ANTXR1: variants seen among roughly 807,000 people sequenced by gnomAD.
The protein encoded by ANTXR1 is ANTXR cell adhesion molecule 1.
A neutral mutation model predicts 78.1 loss-of-function variants in ANTXR1; 19 were observed. That is an observed-to-expected ratio of 0.24 (90% confidence interval 0.17 to 0.36). The LOEUF is 0.36. ANTXR1 is among the 10% of genes least tolerant of loss of function. ANTXR1 has a pLI of 1.00. For missense variants in ANTXR1, 518 were observed against 718.6 expected (o/e 0.72, Z 3.19); for synonymous variants, 273 against 260.5 (o/e 1.05, Z -0.46).
intron 17 of ANTXR1, among the ~76,000 whole-genome samples, chr2:69,221,972 C>CT (rs761981029): frequency 7.2e-5 from 11 of 152,164 alleles, no homozygotes; most frequent in Non-Finnish European, 1.0e-4. Flanking sequence ...AGCTAGACTC[C>CT]TTAGCGGGTT....
intron 12 of ANTXR1, among the ~76,000 whole-genome samples, chr2:69,129,479 C>T (rs995418151): frequency 2.6e-5 from 4 of 152,124 alleles, no homozygotes; most frequent in South Asian, 2.1e-4. Flanking sequence ...ATAGGCCGGG[C>T]GTGGTGTCTC....
At chr2:69,018,122 C>T (rs911101636) in intron 1 of ANTXR1, among the ~76,000 whole-genome samples, 1 of 152,112 alleles carries the variant, frequency 6.6e-6, no homozygotes, top group Non-Finnish European at 1.5e-5. Context: ...AAACGCTGAG[C>T]AGCTTTATTT....
Position 69,187,154 on chromosome 2 carries a change from G to A in ANTXR1, c.1353+4494G>A, listed in dbSNP as rs138379978. ...CCAAGCAAACCCAGAGAGAACACACGGAGGGAAGAAGTCCACAGTGGGCTC... is the reference window on the plus strand; with the variant it reads ...CCAAGCAAACCCAGAGAGAACACACAGAGGGAAGAAGTCCACAGTGGGCTC... On this transcript the variant is annotated intron_variant, in intron 16 of 17. Transcript: ENST00000303714. Among the ~76,000 whole-genome samples, 1,389 of 152,236 alleles carry A rather than the reference G, an allele frequency of 9.1e-3. 15 individuals are homozygous for A. Among genetic ancestry groups the A allele is most frequent in the Non-Finnish European group, 0.014 (974 of 68,012 alleles).
At chr2:69,219,820 C>T (rs1675275770) in intron 17 of ANTXR1, among the ~76,000 whole-genome samples, 1 of 152,288 alleles carries the variant, frequency 6.6e-6, no homozygotes. Context: ...TGTCCGAAAC[C>T]TCTTGACTGA....
At chr2:69,239,344 G>A (rs1033840778) in intron 17 of ANTXR1, among the ~76,000 whole-genome samples, 5 of 152,174 alleles carry the variant, frequency 3.3e-5, no homozygotes, top group Non-Finnish European at 5.9e-5. Context: ...CAAGGCTGGC[G>A]GATCACCTGA....
intron 13 of ANTXR1, among the ~76,000 whole-genome samples, chr2:69,165,648 G>A (rs939783511): frequency 4.6e-5 from 7 of 152,256 alleles, no homozygotes; most frequent in Admixed American, 1.3e-4. Flanking sequence ...AGCAGCATGT[G>A]GGCCTGACTC....
At chr2:69,114,205 A>C (rs904114033) in intron 10 of ANTXR1, among the ~76,000 whole-genome samples, 2 of 152,206 alleles carry the variant, frequency 1.3e-5, no homozygotes, top group Non-Finnish European at 2.9e-5. Context: ...CAAGGATTTT[A>C]ATTTCTTTTT....
At chr2:69,117,388 T>C (rs1044605543) in intron 10 of ANTXR1, among the ~76,000 whole-genome samples, 19 of 152,278 alleles carry the variant, frequency 1.2e-4, no homozygotes, top group African/African-American at 4.6e-4. Flanking sequence ...AAATAATCTC[T>C]CTCTCAGAGG....
chr2:69,038,324 A>T (rs1669508525), intron 1 of ANTXR1, among the ~76,000 whole-genome samples: 1 of 152,220 alleles, frequency 6.6e-6, no homozygotes, highest in South Asian at 2.1e-4. Context: ...AATCCCCAGT[A>T]TAATCTTCCT....
At chr2:69,031,297 C>T (rs1176646341) in intron 1 of ANTXR1, among the ~76,000 whole-genome samples, 1 of 152,146 alleles carries the variant, frequency 6.6e-6, no homozygotes, top group African/African-American at 2.4e-5. Flanking sequence ...GGCCATCTTG[C>T]CATCTTGAAT....
intron 8 of ANTXR1, among the ~76,000 whole-genome samples, chr2:69,084,848 CTTTT>C (rs10708894): frequency 5.3e-5 from 5 of 94,050 alleles, no homozygotes; most frequent in Non-Finnish European, 6.2e-5. Context: ...GAAAAGGCAA[CTTTT>C]TTTTTTTTTT....
chr2:69,106,964 A>T (rs1459074431), intron 10 of ANTXR1, among the ~76,000 whole-genome samples: 1 of 152,242 alleles, frequency 6.6e-6, no homozygotes, highest in African/African-American at 2.4e-5. Flanking sequence ...AATACTCATC[A>T]AAAGCAGATT....
intron 12 of ANTXR1, among the ~76,000 whole-genome samples, chr2:69,137,387 A>G (rs1007585105): frequency 3.3e-5 from 5 of 152,188 alleles, no homozygotes; most frequent in African/African-American, 1.2e-4. Context: ...GAGAGAAGGC[A>G]TATGGCCTAA....
chr2:69,162,022 GA>G (rs367737643), intron 13 of ANTXR1, among the ~76,000 whole-genome samples: 65 of 148,856 alleles, frequency 4.4e-4, no homozygotes, highest in African/African-American at 1.2e-3. Context: ...ATCATTTGTG[GA>G]AAAAAAAAAA....
At chr2:69,144,784 C>T (rs1245861024) in intron 12 of ANTXR1, among the ~76,000 whole-genome samples, 1 of 152,246 alleles carries the variant, frequency 6.6e-6, no homozygotes, top group Non-Finnish European at 1.5e-5. Flanking sequence ...AGTGTTGCTA[C>T]TCAGAATCTG....
At chr2:69,067,115 A>G (rs991452578) in intron 3 of ANTXR1, among the ~76,000 whole-genome samples, 15 of 152,036 alleles carry the variant, frequency 9.9e-5, no homozygotes, top group African/African-American at 3.6e-4. Context: ...GTTTGCTTAG[A>G]TGTTGTGGGT....
intron 3 of ANTXR1, among the ~76,000 whole-genome samples, chr2:69,048,186 C>T (rs6546474): frequency 0.15 from 22,904 of 151,822 alleles, 3,706 homozygotes; most frequent in East Asian, 0.4. Flanking sequence ...AATAAGACCA[C>T]GTGAAGGAAG....
intron 1 of ANTXR1, among the ~76,000 whole-genome samples, chr2:69,030,945 A>G (rs375056065): frequency 6.6e-6 from 1 of 152,368 alleles, no homozygotes; most frequent in Non-Finnish European, 1.5e-5. Context: ...TGTCTGGGAC[A>G]TAAGCTGGCG....
chr2:69,136,041 GAT>G (rs1162461476), intron 12 of ANTXR1, among the ~76,000 whole-genome samples: 3 of 152,156 alleles, frequency 2.0e-5, no homozygotes, highest in African/African-American at 4.8e-5. Context: ...CTCTAAAATT[GAT>G]ATGTTTCAGA....
Sources: allele counts gnomAD v4.1 joint callset (sites outside exome capture counted in the v4.1 genomes callset), GRCh38; gene constraint gnomAD v4.1.1; transcripts MANE v1.5; gene names NCBI Gene and HGNC (gene_info 2026-07-23, HGNC 2026-07-21).